PCDH11X: variants seen among roughly 807,000 people sequenced by gnomAD.
The protein encoded by PCDH11X is protocadherin 11 X-linked.
A neutral mutation model predicts 53.3 loss-of-function variants in PCDH11X; 18 were observed. That is an observed-to-expected ratio of 0.34 (90% CI 0.23 to 0.50). The LOEUF (loss-of-function observed/expected upper bound fraction) is 0.50, where lower values mean the gene tolerates loss of function less well. Among genes scored for constraint, PCDH11X ranks in the 20% least tolerant of loss-of-function variants. PCDH11X has a pLI of 0.98. For synonymous variants in PCDH11X, 279 were observed against 393.3 expected (o/e 0.71, Z 3.44); for missense variants, 570 against 1,032.4 (o/e 0.55, Z 6.14).
At chrX:91,855,487 T>G (rs1425155556) in intron 5 of PCDH11X, among the ~76,000 whole-genome samples, 1 of 108,803 alleles carries the variant, frequency 9.2e-6, no homozygotes, top group Admixed American at 9.6e-5. Flanking sequence ...CTGGGTTTTT[T>G]GTGTGGTTCT....
At chrX:92,569,954 T>A (rs1363365144) in intron 10 of PCDH11X, among the ~76,000 whole-genome samples, 1 of 95,214 alleles carries the variant, frequency 1.1e-5, no homozygotes, top group African/African-American at 4.0e-5. Context: ...AAGCGGAGGT[T>A]GCAGTGAGCC....
chrX:92,555,312 C>T (rs1359702944), intron 10 of PCDH11X, among the ~76,000 whole-genome samples: 1 of 111,502 alleles, frequency 9.0e-6, no homozygotes, highest in Non-Finnish European at 1.9e-5. Context: ...AATATTTGAC[C>T]TTCAGTACTT....
intron 7 of PCDH11X, among the ~76,000 whole-genome samples, chrX:92,256,717 C>T (rs2067596238): frequency 1.8e-5 from 2 of 110,660 alleles, no homozygotes; most frequent in South Asian, 7.8e-4. Flanking sequence ...TCCTCCCACC[C>T]CCAACCCTTT....
At chrX:91,788,233 G>T (rs182182981) in intron 1 of PCDH11X, among the ~76,000 whole-genome samples, 52 of 111,008 alleles carry the variant, frequency 4.7e-4, no homozygotes, top group African/African-American at 1.7e-3. Context: ...GTTTTTTGTT[G>T]CAGTAAACAA....
chrX:92,604,369 T>C (rs1218695293), intron 10 of PCDH11X, among the ~76,000 whole-genome samples: 1 of 109,990 alleles, frequency 9.1e-6, no homozygotes, highest in Non-Finnish European at 1.9e-5. Context: ...TAACTTACAT[T>C]AAGTCAAAAA....
intron 6 of PCDH11X, among the ~76,000 whole-genome samples, chrX:92,137,951 A>G (rs1393806370): frequency 9.5e-6 from 1 of 105,417 alleles, no homozygotes; most frequent in African/African-American, 3.5e-5. Context: ...TCATCTCTTC[A>G]CCTAGGTATT....
intron 6 of PCDH11X, among the ~76,000 whole-genome samples, chrX:91,977,047 C>T (rs1312703242): frequency 1.8e-5 from 2 of 110,014 alleles, no homozygotes; most frequent in Non-Finnish European, 3.8e-5. Flanking sequence ...TCTGTACTTC[C>T]TCATTTATGT....
chrX:92,163,984 A>T (rs2065687945), intron 6 of PCDH11X, among the ~76,000 whole-genome samples: 1 of 111,843 alleles, frequency 8.9e-6, no homozygotes, highest in South Asian at 3.6e-4. Flanking sequence ...CTTTGCAAAC[A>T]TAAATGACTC....
chrX:92,024,733 A>AAAC (rs2062942371), intron 6 of PCDH11X, among the ~76,000 whole-genome samples: 1 of 106,768 alleles, frequency 9.4e-6, no homozygotes, highest in African/African-American at 3.5e-5. Flanking sequence ...AAAAAAAAAA[A>AAAC]AAAACAAAAC....
rs764938572 is a variant in PCDH11X at position 91,860,381 on chromosome X, T to A, written c.541-16400T>A. 1.5e-4 allele frequency among the ~76,000 whole-genome samples: 16 copies of A among 105,726 alleles called. No individual in the cohort carries two copies. In the East Asian group the frequency reaches 2.4e-3, roughly 16 times the overall value. The allele number at this position is 105,726 out of a possible 115,157, so 91.8% of individuals were successfully genotyped here. ...AAGCTTTTGGGCTGAGACAATGGGG[T>A]TTTCTAGATTTAGGATCATCTCATC... On this transcript the variant is annotated intron_variant, in intron 5 of 10. Coordinates refer to ENST00000682573, the MANE Select transcript of PCDH11X (RefSeq NM_032968.5).
At chrX:92,116,229 T>C (rs1199698387) in intron 6 of PCDH11X, among the ~76,000 whole-genome samples, 1 of 112,444 alleles carries the variant, frequency 8.9e-6, no homozygotes, top group African/African-American at 3.2e-5. Context: ...TCAGACATTA[T>C]TTTGGTATTC....
chrX:92,469,242 C>T (rs1042866987), intron 10 of PCDH11X, among the ~76,000 whole-genome samples: 2 of 107,548 alleles, frequency 1.9e-5, no homozygotes, highest in African/African-American at 6.7e-5. Context: ...TTAATTTTGA[C>T]ATATTAGCAA....
chrX:92,412,518 TA>T (rs2071704840), intron 9 of PCDH11X, among the ~76,000 whole-genome samples: 1 of 57,652 alleles, frequency 1.7e-5, no homozygotes, highest in Non-Finnish European at 2.7e-5. Context: ...AGTATATATA[TA>T]TATATATATA....
chrX:92,551,059 G>A (rs1041057783), intron 10 of PCDH11X, among the ~76,000 whole-genome samples: 70 of 111,118 alleles, frequency 6.3e-4, no homozygotes, highest in Admixed American at 2.5e-3. Context: ...GAGTGCAAAT[G>A]TCTCTTTGAT....
chrX:92,253,154 A>G (rs1027119890), intron 7 of PCDH11X, among the ~76,000 whole-genome samples: 6 of 112,003 alleles, frequency 5.4e-5, no homozygotes, highest in Admixed American at 1.9e-4. Context: ...TCACTCTTCT[A>G]CATACGGATA....
At chrX:92,221,278 AACACACACACACACACAC>A (rs58264678) in intron 7 of PCDH11X, among the ~76,000 whole-genome samples, 4 of 88,037 alleles carry the variant, frequency 4.5e-5, no homozygotes, top group South Asian at 5.6e-4. Context: ...CATTGTATAC[AACACACACACACACACAC>A]ACACACACAC....
At chrX:92,456,086 A>G (rs1335136958) in intron 9 of PCDH11X, among the ~76,000 whole-genome samples, 1 of 112,147 alleles carries the variant, frequency 8.9e-6, no homozygotes, top group Non-Finnish European at 1.9e-5. Flanking sequence ...TTCTTTGTAC[A>G]ACAGAGTACA....
At chrX:92,609,655 A>T (rs1479733158) in intron 10 of PCDH11X, among the ~76,000 whole-genome samples, 2 of 110,534 alleles carry the variant, frequency 1.8e-5, no homozygotes, top group Admixed American at 1.9e-4. Context: ...TTCAGGGGGT[A>T]CATGTGCAGA....
chrX:92,590,767 T>C (rs1924951121), intron 10 of PCDH11X, among the ~76,000 whole-genome samples: 1 of 110,043 alleles, frequency 9.1e-6, no homozygotes, highest in Non-Finnish European at 1.9e-5. Context: ...GTTGTGTGTG[T>C]TTGTATTTGT....
Sources: gnomAD v4.1 joint callset for allele counts (sites outside exome capture counted in the v4.1 genomes callset) on GRCh38, gnomAD v4.1.1 for gene constraint, MANE v1.5 for transcripts, NCBI Gene and HGNC (gene_info 2026-07-23, HGNC 2026-07-21) for gene names.